CNTNAP2: variants seen among roughly 807,000 people sequenced by gnomAD.
The protein encoded by CNTNAP2 is contactin-associated protein-like 2.
In CNTNAP2, 98 loss-of-function variants were observed where a neutral mutation model predicts 155.2. The observed-to-expected ratio is 0.63, with a 90% CI of 0.54 to 0.75. The LOEUF (loss-of-function observed/expected upper bound fraction) is 0.75. CNTNAP2 is among the 30% of genes least tolerant of loss of function. CNTNAP2 has a pLI of 0.00. For missense variants in CNTNAP2, 1,727 were observed against 1,688.1 expected, an observed-to-expected ratio of 1.02 and a Z score of -0.40; for synonymous variants, 651 against 631.2, an observed-to-expected ratio of 1.03 and a Z score of -0.47.
At chr7:146,205,724 A>G (rs1798935140) in intron 1 of CNTNAP2, among the ~76,000 whole-genome samples, 1 of 151,964 alleles carries the variant, frequency 6.6e-6, no homozygotes, top group South Asian at 2.1e-4. Flanking sequence ...CATAGGATAT[A>G]TATTGTAATT....
At chr7:148,289,795 C>G (rs1193442327) in intron 21 of CNTNAP2, among the ~76,000 whole-genome samples, 1 of 152,196 alleles carries the variant, frequency 6.6e-6, no homozygotes, top group Non-Finnish European at 1.5e-5. Context: ...CACCAGAAAC[C>G]AAGGCTGTTG....
At chr7:146,352,939 A>G (rs1247595855) in intron 1 of CNTNAP2, among the ~76,000 whole-genome samples, 2 of 151,294 alleles carry the variant, frequency 1.3e-5, no homozygotes, top group South Asian at 2.1e-4. Context: ...TATTTTTAGT[A>G]GAGACAGGAT....
At chr7:146,716,503 A>T (rs951579012) in intron 1 of CNTNAP2, among the ~76,000 whole-genome samples, 2 of 152,190 alleles carry the variant, frequency 1.3e-5, no homozygotes, top group Non-Finnish European at 2.9e-5. Flanking sequence ...CAATACAAAC[A>T]CCTTTGTTTC....
chr7:147,866,471 C>G (rs1224057417), intron 13 of CNTNAP2, among the ~76,000 whole-genome samples: 1 of 152,158 alleles, frequency 6.6e-6, no homozygotes, highest in Admixed American at 6.5e-5. Flanking sequence ...TCCTGGATAT[C>G]CTTGTTAACC....
At chr7:147,918,302 G>T (rs567517926) in intron 14 of CNTNAP2, among the ~76,000 whole-genome samples, 1 of 152,056 alleles carries the variant, frequency 6.6e-6, no homozygotes, top group Non-Finnish European at 1.5e-5. Flanking sequence ...TAGAGAATCC[G>T]GTTTTTTGTA....
intron 1 of CNTNAP2, among the ~76,000 whole-genome samples, chr7:146,201,150 A>T (rs1443667855): frequency 2.6e-5 from 4 of 152,092 alleles, no homozygotes; most frequent in African/African-American, 2.4e-5. Context: ...AATTTTTCTT[A>T]TGGTATCAAT....
At chr7:146,651,512 G>T (rs1362828467) in intron 1 of CNTNAP2, among the ~76,000 whole-genome samples, 4 of 152,178 alleles carry the variant, frequency 2.6e-5, no homozygotes, top group Non-Finnish European at 5.9e-5. Context: ...GTATGGACAT[G>T]TGGGGAAAAA....
chr7:146,452,929 C>G (rs1393674443), intron 1 of CNTNAP2, among the ~76,000 whole-genome samples: 3 of 152,186 alleles, frequency 2.0e-5, no homozygotes, highest in Non-Finnish European at 4.4e-5. Context: ...AATAAAGTAG[C>G]ATGATCTTTG....
intron 1 of CNTNAP2, among the ~76,000 whole-genome samples, chr7:146,199,224 T>TCTTA (rs2116864043): frequency 6.6e-6 from 1 of 152,298 alleles, no homozygotes; most frequent in African/African-American, 2.4e-5. Context: ...ATCCAGCAAA[T>TCTTA]GGAGTGGATG....
intron 1 of CNTNAP2, among the ~76,000 whole-genome samples, chr7:146,183,405 AT>A (rs1156943370): frequency 6.6e-6 from 1 of 151,814 alleles, no homozygotes; most frequent in Admixed American, 6.6e-5. Context: ...GCCTTCCAGC[AT>A]TTTCCCCCTG....
intron 21 of CNTNAP2, among the ~76,000 whole-genome samples, chr7:148,274,918 G>T (rs1796846374): frequency 6.6e-6 from 1 of 152,064 alleles, no homozygotes. Flanking sequence ...CTGTGTCACG[G>T]GATTCAGCAA....
At chr7:147,404,408 AG>A (rs1310984201) in intron 10 of CNTNAP2, among the ~76,000 whole-genome samples, 1 of 152,200 alleles carries the variant, frequency 6.6e-6, no homozygotes, top group African/African-American at 2.4e-5. Flanking sequence ...GAAAAACGTC[AG>A]TTTTCTCATG....
At chr7:147,486,106 C>T in intron 11 of CNTNAP2, 65 bp downstream of exon 11, 1 of 1,387,956 alleles carries the variant, frequency 7.2e-7, no homozygotes, top group Non-Finnish European at 1.0e-6. Flanking sequence ...TTGAGCTGTG[C>T]TTTGAAGCTC....
intron 13 of CNTNAP2, among the ~76,000 whole-genome samples, chr7:147,703,112 A>T (rs770663285): frequency 6.6e-6 from 1 of 152,100 alleles, no homozygotes; most frequent in Non-Finnish European, 1.5e-5. Flanking sequence ...GCCCATTCTA[A>T]CCACTGCGCC....
chr7:147,278,553 C>G (rs1343888613), intron 8 of CNTNAP2, among the ~76,000 whole-genome samples: 2 of 151,648 alleles, frequency 1.3e-5, no homozygotes, highest in Non-Finnish European at 3.0e-5. Context: ...TCTAATTTCT[C>G]TCATCTATGA....
intron 15 of CNTNAP2, among the ~76,000 whole-genome samples, chr7:147,992,984 G>T (rs1801742299): frequency 6.6e-6 from 1 of 152,182 alleles, no homozygotes; most frequent in African/African-American, 2.4e-5. Context: ...TACAAAGTAG[G>T]ACTTGAGCTT....
chr7:147,574,551 C>T (rs2189999), intron 12 of CNTNAP2, among the ~76,000 whole-genome samples: 103,384 of 151,880 alleles, frequency 0.68, 35,629 homozygotes, highest in African/African-American at 0.78. Context: ...TGAGTGTTCC[C>T]GTTTTAGGAC....
rs371873168 is a variant in CNTNAP2 at position 147,733,784 on chromosome 7, G to C, written c.2098+94478G>C. On this transcript the variant is annotated intron_variant, in intron 13 of 23. Transcript: ENST00000361727. ...GTATTTTATTCTCTTTGAAGCAATT[G>C]TGAATGGGAATTTACTTGTGATTTG... 1.2e-4 allele frequency among the ~76,000 whole-genome samples: 18 copies of C among 152,266 alleles called. 1 individual carries two copies. The South Asian group carries it at 2.1e-3, about 18-fold the overall frequency.
At chr7:147,978,279 A>G (rs979743855) in intron 15 of CNTNAP2, 3 of 417,250 alleles carry the variant, frequency 7.2e-6, no homozygotes, top group Non-Finnish European at 1.4e-5. Flanking sequence ...AATAGCATAA[A>G]TGCAGTACTC....
Sources: gnomAD v4.1 joint callset for allele counts (sites outside exome capture counted in the v4.1 genomes callset) on GRCh38, gnomAD v4.1.1 for gene constraint, MANE v1.5 for transcripts, NCBI Gene and HGNC (gene_info 2026-07-23, HGNC 2026-07-21) for gene names.